The following ALPK2 variants were observed in gnomAD, a reference collection of about 807,000 sequenced individuals.
The protein encoded by ALPK2 is alpha kinase 2.
A neutral mutation model predicts 163.1 loss-of-function variants in ALPK2; 127 were observed. That is an observed-to-expected ratio of 0.78 (90% CI 0.67 to 0.90). The LOEUF (loss-of-function observed/expected upper bound fraction) is 0.90, where lower values mean the gene tolerates loss of function less well. Among genes scored for constraint, ALPK2 ranks in the 40% least tolerant of loss-of-function variants. ALPK2 has a pLI of 0.00. For synonymous variants in ALPK2, 953 were observed against 959.1 expected, an observed-to-expected ratio of 0.99 and a Z score of 0.12; for missense variants, 2,360 against 2,589.6, an observed-to-expected ratio of 0.91 and a Z score of 1.92.
rs780493662 is a variant in ALPK2 at position 58,536,195 on chromosome 18, C to T, written c.3992G>A (p.Arg1331Gln). The change falls in exon 5 of 13, where the codon CGG becomes CAG. Residue 1331 changes from arginine (R) to glutamine (Q), a missense_variant. Physicochemically the swap from Arg to Gln is conservative, Grantham distance 43. Coordinates refer to ENST00000361673, the MANE Select transcript of ALPK2 (RefSeq NM_052947.4). ...CAGGAGTCTGGGTTGGCTGAAACCC[C>T]GGGAAGAAAGACTTCTCCAATGTAC... ...ISVHWRSLSS[R>Q]GFSQPRLLES... 3.0e-5 allele frequency: 48 copies of T among 1,613,986 alleles called. No individual in the cohort carries two copies. The highest frequency in any genetic ancestry group is 3.6e-5 in the Non-Finnish European group (42 of 1,180,024).
In ALPK2 at chr18:58,537,382, G is replaced by A. The variant is rs143221603; in HGVS notation, c.2805C>T (p.Ser935=). ...VHAGQEQPSP[S]NSGGLDETQL... ...GTGTTTCATCAAGCCCTCCTGAGTT[G>A]CTGGGGCTTGGCTGCTCCTGGCCAG... The change falls in exon 5 of 13, where the codon AGC becomes AGT. Residue 935 remains serine (S), a synonymous_variant. Coordinates refer to ENST00000361673, the MANE Select transcript of ALPK2 (RefSeq NM_052947.4). The A allele has an allele frequency of 6.2e-6, 10 of 1,613,888 alleles. No homozygotes were observed. Among genetic ancestry groups the A allele is most frequent in the Non-Finnish European group, 8.5e-6 (10 of 1,179,820 alleles).
In ALPK2 at chr18:58,611,819, T is replaced by C. The variant is rs1343245957; in HGVS notation, c.-20-2A>G. The C allele has an allele frequency of 1.4e-6, 2 of 1,452,402 alleles. No individual in the cohort carries two copies. The allele number at this position is 1,452,402 out of a possible 1,614,324, so 90.0% of individuals were successfully genotyped here. ...TCATCCTTTCATGCCGCACCAAATC[T>C]GAAAAAAAAAAAAATCCCCGACATC... On this transcript the variant is annotated splice_acceptor_variant, in intron 1 of 12. Transcript: ENST00000361673. LOFTEE classifies it low-confidence loss of function (5UTR_SPLICE).
intron 4 of ALPK2, among the ~76,000 whole-genome samples, chr18:58,542,395 C>A (rs1374197692): frequency 6.6e-6 from 1 of 152,212 alleles, no homozygotes; most frequent in African/African-American, 2.4e-5. Context: ...CTCTGACAGG[C>A]AGAGCCTTGA....
intron 3 of ALPK2, among the ~76,000 whole-genome samples, chr18:58,598,753 C>G (rs542500960): frequency 8.5e-5 from 13 of 152,266 alleles, no homozygotes; most frequent in Middle Eastern, 3.4e-3. Context: ...TCAACTGTTC[C>G]CCAGCACTAA....
At chr18:58,572,731 G>A (rs1219839323) in intron 4 of ALPK2, among the ~76,000 whole-genome samples, 2 of 152,154 alleles carry the variant, frequency 1.3e-5, no homozygotes, top group Non-Finnish European at 2.9e-5. Context: ...CAGGAAGGAG[G>A]TATGCATGGT....
chr18:58,576,125 G>A (rs1055404462), intron 4 of ALPK2, among the ~76,000 whole-genome samples: 2 of 152,208 alleles, frequency 1.3e-5, no homozygotes, highest in Non-Finnish European at 2.9e-5. Flanking sequence ...TGTAATCCCA[G>A]CACTTTGGGA....
rs757030293 is a variant in ALPK2, at chr18:58,535,085, G to A, written c.5102C>T (p.Thr1701Ile). ...CTCTGACCCCGTCACTGCTGTGAGG[G>A]TCCCTGGCGATTTGCCTGCTCGGGC... ...LEARAGKSPG[T>I]LTAVTGSEEV... is the part of the protein sequence containing the mutation. Residue 1701 changes from threonine to isoleucine, a missense_variant, in exon 5 of 13, where the codon ACC (threonine) becomes ATC (isoleucine). Thr to Ile is a moderately conservative substitution (Grantham distance 89, BLOSUM62 -1). Transcript: ENST00000361673. 2.5e-6 allele frequency: 4 copies of A among 1,614,062 alleles called. No individual in the cohort carries two copies. The South Asian group carries it at 4.4e-5, about 18-fold the overall frequency.
At chr18:58,546,914 T>A (rs72937519) in intron 4 of ALPK2, among the ~76,000 whole-genome samples, 1 of 152,032 alleles carries the variant, frequency 6.6e-6, no homozygotes, top group Non-Finnish European at 1.5e-5. Context: ...CTGAATAGTC[T>A]CTGGGGGGTT....
At position 58,538,146 on chromosome 18, in the gene ALPK2, A is replaced by T. The variant is rs528527919; in HGVS notation, c.2041T>A (p.Ser681Thr). 1 of 1,612,310 alleles carries T rather than the reference A, an allele frequency of 6.2e-7. No individual in the cohort carries two copies. The highest frequency in any genetic ancestry group is 1.1e-5 in the South Asian group (1 of 90,966). ...ATTGTTGTGGTCCCAGTGAATGGGGACTCCTCCCCAGCAGGCTCTGAGAAA... is the reference window on the plus strand; with the variant it reads ...ATTGTTGTGGTCCCAGTGAATGGGGTCTCCTCCCCAGCAGGCTCTGAGAAA... ...PAFSEPAGEE[S>T]PFTGTTTISF... Residue 681 changes from serine (S) to threonine (T), a missense_variant, in exon 5 of 13, where the codon TCC (serine) becomes ACC (threonine). Coordinates refer to ENST00000361673, the MANE Select transcript of ALPK2 (RefSeq NM_052947.4).
Position 58,529,099 on chromosome 18 carries a change from C to T in ALPK2, c.5493G>A (p.Val1831=). The change falls in exon 6 of 13, where the codon GTG becomes GTA. Residue 1831 remains valine, a synonymous_variant. Transcript: ENST00000361673. ...AGGGAAAAACATCGCACCTTCTCTG[C>T]ACTTGGGCTATGGACTTTGAATCTT... The part of the protein sequence containing the change: ...WTKDSKSIAQ[V]QRSAGDNSTV... 6.2e-7 allele frequency: 1 copy of T among 1,614,078 alleles called. No individual in the cohort carries two copies. The highest frequency in any genetic ancestry group is 8.5e-7 in the Non-Finnish European group (1 of 1,179,972).
At chr18:58,514,044 G>A (rs1172507622) in intron 10 of ALPK2, among the ~76,000 whole-genome samples, 1 of 152,202 alleles carries the variant, frequency 6.6e-6, no homozygotes, top group East Asian at 1.9e-4. Flanking sequence ...CAGACACTGG[G>A]AAGAGCGGGG....
chr18:58,562,368 A>G (rs560607738), intron 4 of ALPK2, among the ~76,000 whole-genome samples: 2 of 152,246 alleles, frequency 1.3e-5, no homozygotes, highest in Non-Finnish European at 2.9e-5. Context: ...CTTTTTAACT[A>G]TAGAACTGAC....
intron 8 of ALPK2, among the ~76,000 whole-genome samples, chr18:58,520,057 C>G (rs558941870): frequency 1.3e-5 from 2 of 152,234 alleles, no homozygotes; most frequent in Admixed American, 1.3e-4. Context: ...TTCTTTGCAG[C>G]TTTGCAGAGC....
intron 3 of ALPK2, among the ~76,000 whole-genome samples, chr18:58,590,913 G>T (rs1341290125): frequency 6.6e-6 from 1 of 152,166 alleles, no homozygotes; most frequent in Non-Finnish European, 1.5e-5. Context: ...CTATCACCAG[G>T]GCTGACCCCT....
intron 4 of ALPK2, among the ~76,000 whole-genome samples, chr18:58,559,255 A>C (rs1203653799): frequency 5.3e-5 from 8 of 152,144 alleles, no homozygotes; most frequent in Non-Finnish European, 8.8e-5. Context: ...GGTGAGGGGA[A>C]GAGATCGCTA....
chr18:58,511,225 A>G (rs7235480), intron 10 of ALPK2, among the ~76,000 whole-genome samples: 55,653 of 152,002 alleles, frequency 0.37, 10,757 homozygotes, highest in South Asian at 0.54. Flanking sequence ...CTTGCATCCC[A>G]GGGATGAAGC....
In ALPK2 at chr18:58,536,992, G is replaced by A; in HGVS notation, c.3195C>T (p.Thr1065=). The change falls in exon 5 of 13, where the codon ACC becomes ACT. Residue 1065 remains threonine (T), a synonymous_variant. Transcript: ENST00000361673. ...VQLDHILSGA[T]IKSTKELLCR... is the part of the protein sequence containing the mutation. ...AAAGTAGCTCTTTTGTAGATTTGAT[G>A]GTAGCACCACTTAAAATATGATCCA... 6.2e-7 allele frequency: 1 copy of A among 1,614,144 alleles called. No individual in the cohort carries two copies. The highest frequency in any genetic ancestry group is 8.5e-7 in the Non-Finnish European group (1 of 1,180,022).
chr18:58,507,651 T>TG (rs2051468606), intron 10 of ALPK2, among the ~76,000 whole-genome samples: 1 of 152,204 alleles, frequency 6.6e-6, no homozygotes, highest in African/African-American at 2.4e-5. Flanking sequence ...TCAGGTTCTG[T>TG]GATTGCCACT....
At chr18:58,554,819 C>A (rs903963284) in intron 4 of ALPK2, among the ~76,000 whole-genome samples, 1 of 152,148 alleles carries the variant, frequency 6.6e-6, no homozygotes, top group South Asian at 2.1e-4. Flanking sequence ...CTCCCATAAT[C>A]CCCATGTATT....
Sources: gnomAD v4.1 joint callset for allele counts (sites outside exome capture counted in the v4.1 genomes callset) on GRCh38, gnomAD v4.1.1 for gene constraint, MANE v1.5 for transcripts, NCBI Gene and HGNC (gene_info 2026-07-23, HGNC 2026-07-21) for gene names.